The following SHISA5 variants were observed in gnomAD, a reference collection of about 807,000 sequenced individuals.
SHISA5 encodes the protein protein shisa-5.
SHISA5 carries 21 observed loss-of-function variants against 27.5 expected under a neutral mutation model. That is an observed-to-expected ratio of 0.76 (90% CI 0.54 to 1.10). The LOEUF (loss-of-function observed/expected upper bound fraction) is 1.10, where lower values mean the gene tolerates loss of function less well. Ranked by LOEUF, SHISA5 falls within the 50% of genes least tolerant of loss-of-function variation. The pLI is 0.00. For missense variants in SHISA5, 314 were observed against 336.3 expected (o/e 0.93, Z 0.52); for synonymous variants, 137 against 142.2 (o/e 0.96, Z 0.26).
At chr3:48,496,726 T>A (rs1172232005) in intron 2 of SHISA5, among the ~76,000 whole-genome samples, 2 of 150,486 alleles carry the variant, frequency 1.3e-5, no homozygotes, top group South Asian at 2.1e-4. Context: ...AGAGCTAGAC[T>A]TCGTCTCAAA....
rs182348544 is a variant in SHISA5, at chr3:48,497,180, C to T, written c.233+3957G>A. The stretch of plus-strand genomic sequence containing the variant: ...CCAGGAGGCAGAGGTTGCAGTGAGC[C>T]GAGATCATGCCATTGTTCTCCAGTC... On this transcript the variant is annotated intron_variant, in intron 2 of 5. Transcript: ENST00000296444. Among the ~76,000 whole-genome samples the T allele has an allele frequency of 2.4e-3, 360 of 151,286 alleles. 11 individuals carry two copies. Among genetic ancestry groups the T allele is most frequent in the Admixed American group, 0.023 (353 of 15,170 alleles).
intron 2 of SHISA5, among the ~76,000 whole-genome samples, chr3:48,482,726 C>T (rs949872042): frequency 6.6e-6 from 1 of 151,976 alleles, no homozygotes; most frequent in African/African-American, 2.4e-5. Context: ...ACCTCTGCCT[C>T]CCAGGTTCAA....
At position 48,473,172 on chromosome 3, in the gene SHISA5, C is replaced by A. The variant is rs1444241575; in HGVS notation, c.315-3329G>T. On this transcript the variant is annotated intron_variant, in intron 3 of 5. Coordinates refer to ENST00000296444, the MANE Select transcript of SHISA5 (RefSeq NM_016479.6). The surrounding 1 kb of genome is among the most constrained non-coding windows in gnomAD (Gnocchi z 4.3). ...CACAGGAAGCACAGACGCGAAGCCC[C>A]GTTCCACCCTCTTAAAGACACAGGA... 20 of 1,440,898 alleles carry A rather than the reference C, an allele frequency of 1.4e-5. No homozygotes were observed. The highest frequency in any genetic ancestry group is 1.5e-5 in the Non-Finnish European group (17 of 1,100,306). The allele number at this position is 1,440,898 out of a possible 1,614,324, so 89.3% of individuals were successfully genotyped here. A position where few individuals can be genotyped will look rare whatever the true frequency, so the allele number is the denominator to read the frequency against.
Position 48,473,172 on chromosome 3 carries a change from C to G in SHISA5, c.315-3329G>C. ...CACAGGAAGCACAGACGCGAAGCCC[C>G]GTTCCACCCTCTTAAAGACACAGGA... On this transcript the variant is annotated intron_variant, in intron 3 of 5. Transcript: ENST00000296444. The surrounding 1 kb of genome is among the most constrained non-coding windows in gnomAD (Gnocchi z 4.3). 6.9e-7 allele frequency: 1 copy of G among 1,441,016 alleles called. No individual in the cohort carries two copies. Among genetic ancestry groups the G allele is most frequent in the Non-Finnish European group, 9.1e-7 (1 of 1,100,298 alleles). 89.3% of individuals were successfully genotyped at this position (1,441,016 alleles called of 1,614,324 possible).
chr3:48,476,556 G>A (rs529009609), intron 3 of SHISA5, among the ~76,000 whole-genome samples: 13 of 152,294 alleles, frequency 8.5e-5, no homozygotes, highest in African/African-American at 3.1e-4. Context: ...ACTCTCCAGT[G>A]GACAAACAGT....
At chr3:48,485,722 A>G (rs887779405) in intron 2 of SHISA5, among the ~76,000 whole-genome samples, 4 of 150,844 alleles carry the variant, frequency 2.7e-5, no homozygotes, top group Non-Finnish European at 4.4e-5. Flanking sequence ...TCAGAGAGCA[A>G]TGGAAAGAAT....
At chr3:48,485,546 TATATA>T (rs952053166) in intron 2 of SHISA5, among the ~76,000 whole-genome samples, 48 of 138,300 alleles carry the variant, frequency 3.5e-4, no homozygotes, top group Non-Finnish European at 5.9e-4. Flanking sequence ...ATATATTATA[TATATA>T]ATATATTATA....
chr3:48,468,692 A>G lies in SHISA5; in HGVS notation c.*415T>C. ...GCTGCCGAAACCAGGACACATCTGC[A>G]TCACACAGAAAGCTGCGCCACCCTG... On this transcript the variant is annotated 3_prime_UTR_variant, in exon 6 of 6. Transcript: ENST00000296444. 1 of 1,257,624 alleles carries G rather than the reference A, an allele frequency of 8.0e-7. No homozygotes were observed. The highest frequency in any genetic ancestry group is 1.5e-5 in the African/African-American group (1 of 65,266). The allele number at this position is 1,257,624 out of a possible 1,614,324, so 77.9% of individuals were successfully genotyped here. A position where few individuals can be genotyped will look rare whatever the true frequency, so the allele number is the denominator to read the frequency against.
chr3:48,473,215 C>T lies in SHISA5; in HGVS notation c.315-3372G>A, dbSNP rs1182143369. 14 of 1,426,350 alleles carry T rather than the reference C, an allele frequency of 9.8e-6. No homozygotes were observed. The Admixed American group carries it at 1.1e-4, about 12-fold the overall frequency. 88.4% of individuals were successfully genotyped at this position (1,426,350 alleles called of 1,614,324 possible). A position where few individuals can be genotyped will look rare whatever the true frequency, so the allele number is the denominator to read the frequency against. On this transcript the variant is annotated intron_variant, in intron 3 of 5. Coordinates refer to ENST00000296444, the MANE Select transcript of SHISA5 (RefSeq NM_016479.6). The surrounding 1 kb of genome is among the most constrained non-coding windows in gnomAD (Gnocchi z 4.3). ...ACACAGGATGGCCCCGCCCAGCAGC[C>T]GGCTAGCAGCCAAGGAGCCAAGGGG...
chr3:48,489,816 G>C (rs1418168709), intron 2 of SHISA5, among the ~76,000 whole-genome samples: 1 of 151,564 alleles, frequency 6.6e-6, no homozygotes, highest in Admixed American at 6.6e-5. Context: ...AAATCATGGA[G>C]ACGAGGTCTC....
At chr3:48,503,912 GT>G in intron 1 of SHISA5, 106 bp downstream of exon 1, 1 of 1,357,228 alleles carries the variant, frequency 7.4e-7, no homozygotes, top group East Asian at 3.1e-5. Flanking sequence ...TCAGGGGTCA[GT>G]GGGGGGCATA....
At chr3:48,503,739 C>T in intron 1 of SHISA5, 2 of 1,218,922 alleles carry the variant, frequency 1.6e-6, no homozygotes, top group Non-Finnish European at 2.0e-6. Context: ...CTGGGGACTC[C>T]ATCCCCTGGA....
intron 1 of SHISA5, among the ~76,000 whole-genome samples, chr3:48,502,842 A>T (rs79610306): frequency 6.6e-6 from 1 of 152,366 alleles, no homozygotes; most frequent in East Asian, 1.9e-4. Context: ...CTGGAGACCC[A>T]GCCAGGCCAG....
chr3:48,503,029 G>T, intron 1 of SHISA5: 1 of 1,137,914 alleles, frequency 8.8e-7, no homozygotes, highest in Non-Finnish European at 1.2e-6. Flanking sequence ...GCAGAACCCT[G>T]CTCTGGGCAA....
At chr3:48,474,019 A>G (rs1424436711) in intron 3 of SHISA5, among the ~76,000 whole-genome samples, 5 of 151,212 alleles carry the variant, frequency 3.3e-5, no homozygotes, top group Admixed American at 6.6e-5. Context: ...AAAAAAAAAA[A>G]GAAGAGGAAG....
chr3:48,472,940 T>G, intron 3 of SHISA5: 1 of 1,422,660 alleles, frequency 7.0e-7, no homozygotes, highest in Non-Finnish European at 9.6e-7. Context: ...CGCAAGGCCG[T>G]TATCATCCCT....
chr3:48,472,935 G>T, intron 3 of SHISA5: 1 of 1,400,618 alleles, frequency 7.1e-7, no homozygotes. Flanking sequence ...GCGACCGCAA[G>T]GCCGTTATCA....
At chr3:48,479,115 C>T (rs2040917190) in intron 3 of SHISA5, 62 bp downstream of exon 3, 1 of 1,456,440 alleles carries the variant, frequency 6.9e-7, no homozygotes, top group Non-Finnish European at 9.4e-7. Context: ...GCACACTGGC[C>T]CCCCTGAGCC....
chr3:48,485,957 G>A (rs1178265188), intron 2 of SHISA5, among the ~76,000 whole-genome samples: 3 of 151,078 alleles, frequency 2.0e-5, no homozygotes, highest in South Asian at 2.1e-4. Flanking sequence ...GCTGGGACCC[G>A]AAAAGCTGTA....
Sources: gnomAD v4.1 joint callset for allele counts (sites outside exome capture counted in the v4.1 genomes callset) on GRCh38, gnomAD v4.1.1 for gene constraint, Gnocchi (gnomAD v3.1) non-coding constraint, MANE v1.5 for transcripts, NCBI Gene and HGNC (gene_info 2026-07-23, HGNC 2026-07-21) for gene names.